ITPR2: variants seen among roughly 807,000 people sequenced by gnomAD.
The protein encoded by ITPR2 is inositol 1,4,5-trisphosphate receptor type 2.
Under a neutral mutation model 317.1 loss-of-function variants are expected in ITPR2, and 207 were observed. That is an observed-to-expected ratio of 0.65 (90% CI 0.58 to 0.73). The LOEUF is 0.73. Ranked by LOEUF, ITPR2 falls within the 30% of genes least tolerant of loss-of-function variation. ITPR2 has a pLI of 0.00. For missense variants in ITPR2, 2,613 were observed against 3,284.0 expected, an observed-to-expected ratio of 0.80 and a Z score of 4.99; for synonymous variants, 1,156 against 1,149.1, an observed-to-expected ratio of 1.01 and a Z score of -0.12.
intron 37 of ITPR2, among the ~76,000 whole-genome samples, chr12:26,502,284 A>G (rs1943088889): frequency 6.6e-6 from 1 of 152,206 alleles, no homozygotes; most frequent in Admixed American, 6.5e-5. Flanking sequence ...GGACTTAAGA[A>G]TGGATTTTAC....
Position 26,550,367 on chromosome 12 carries a change from A to T in ITPR2, c.4965-12T>A. 1 of 1,051,118 alleles carries T rather than the reference A, an allele frequency of 9.5e-7. No individual in the cohort carries two copies. The highest frequency in any genetic ancestry group is 1.5e-6 in the Non-Finnish European group (1 of 684,974). The allele number at this position is 1,051,118 out of a possible 1,614,324, so 65.1% of individuals were successfully genotyped here. On this transcript the variant is annotated splice_polypyrimidine_tract_variant and intron_variant, in intron 36 of 56. Coordinates refer to ENST00000381340, the MANE Select transcript of ITPR2 (RefSeq NM_002223.4). ...TATGATTAATCAACCTTAAAGCAAAACATGAGACCTTTAGAAAGACAGTGA... is the reference window on the plus strand; with the variant it reads ...TATGATTAATCAACCTTAAAGCAAATCATGAGACCTTTAGAAAGACAGTGA...
intron 55 of ITPR2, among the ~76,000 whole-genome samples, chr12:26,342,614 G>A (rs1398024360): frequency 6.6e-6 from 1 of 150,606 alleles, no homozygotes; most frequent in East Asian, 2.0e-4. Flanking sequence ...TTGTTTGTTT[G>A]TTTGTTTTTA....
chr12:26,541,317 CA>C (rs1275450920), intron 37 of ITPR2, among the ~76,000 whole-genome samples: 1 of 151,760 alleles, frequency 6.6e-6, no homozygotes, highest in African/African-American at 2.4e-5. Context: ...AACTCCATCT[CA>C]AAAAAATAAA....
rs1951101560 is a variant in ITPR2 at position 26,831,605 on chromosome 12, C to T, written c.92+1085G>A. ...TACTGCAGCGTGCAATTAAACTGCA[C>T]ACTGCTATTCCCAATCAGAACAGAG... On this transcript the variant is annotated intron_variant, in intron 1 of 56. Coordinates refer to ENST00000381340, the MANE Select transcript of ITPR2 (RefSeq NM_002223.4). The surrounding 1 kb of genome is among the most constrained non-coding windows in gnomAD (Gnocchi z 4.9). Among the ~76,000 whole-genome samples the T allele has an allele frequency of 6.6e-6, 1 of 151,610 alleles. No homozygotes were observed. Among genetic ancestry groups the T allele is most frequent in the African/African-American group, 2.4e-5 (1 of 41,302 alleles).
chr12:26,787,543 A>G (rs553564916), intron 2 of ITPR2, among the ~76,000 whole-genome samples: 1 of 152,338 alleles, frequency 6.6e-6, no homozygotes, highest in East Asian at 1.9e-4. Flanking sequence ...TTGCAAATTT[A>G]AAACAATTTA....
chr12:26,496,387 T>C (rs1314644190), intron 37 of ITPR2, among the ~76,000 whole-genome samples: 1 of 152,214 alleles, frequency 6.6e-6, no homozygotes, highest in African/African-American at 2.4e-5. Context: ...TTGGCTATTC[T>C]TTCTCAAGTT....
intron 10 of ITPR2, among the ~76,000 whole-genome samples, chr12:26,693,157 T>C (rs574326709): frequency 2.6e-5 from 4 of 152,334 alleles, no homozygotes; most frequent in Admixed American, 2.0e-4. Context: ...AGATGACAGA[T>C]GAGACTCAGT....
intron 26 of ITPR2, among the ~76,000 whole-genome samples, chr12:26,616,773 A>G (rs1946382436): frequency 6.6e-6 from 1 of 152,048 alleles, no homozygotes; most frequent in African/African-American, 2.4e-5. Flanking sequence ...TTATACACAG[A>G]TTTTCTTTTA....
At chr12:26,566,045 G>A (rs1265710479) in intron 34 of ITPR2, among the ~76,000 whole-genome samples, 1 of 132,712 alleles carries the variant, frequency 7.5e-6, no homozygotes, top group African/African-American at 2.9e-5. Flanking sequence ...GAGAAGGAGA[G>A]GAGATGGAGA....
chr12:26,594,251 C>T (rs1189486293), intron 32 of ITPR2, among the ~76,000 whole-genome samples: 1 of 152,084 alleles, frequency 6.6e-6, no homozygotes, highest in African/African-American at 2.4e-5. Context: ...CCACACTACA[C>T]CACACCAAAG....
At chr12:26,571,975 T>G (rs1945173308) in intron 34 of ITPR2, among the ~76,000 whole-genome samples, 1 of 152,264 alleles carries the variant, frequency 6.6e-6, no homozygotes, top group South Asian at 2.1e-4. Flanking sequence ...AATATGACTA[T>G]AATTGATCTT....
At chr12:26,368,441 A>G (rs996522559) in intron 55 of ITPR2, among the ~76,000 whole-genome samples, 3 of 152,172 alleles carry the variant, frequency 2.0e-5, no homozygotes, top group Admixed American at 2.0e-4. Flanking sequence ...CCTTTTTATA[A>G]AAGGTCTCTG....
intron 36 of ITPR2, among the ~76,000 whole-genome samples, chr12:26,555,209 T>C (rs1944629891): frequency 1.3e-5 from 2 of 152,344 alleles, no homozygotes; most frequent in Middle Eastern, 3.4e-3. Context: ...CCAGCTTAAA[T>C]GGTGAAAGAA....
intron 10 of ITPR2, among the ~76,000 whole-genome samples, chr12:26,687,663 G>A (rs568295396): frequency 4.7e-4 from 71 of 152,246 alleles, no homozygotes; most frequent in African/African-American, 1.7e-3. Flanking sequence ...AAAAAGCCTT[G>A]CTTTTTGGCC....
rs11312773 is a variant in ITPR2 at position 26,556,556 on chromosome 12, A to ATTTT, written c.4822-185_4822-182dup. Among the ~76,000 whole-genome samples, 1,129 of 133,790 alleles carry ATTTT rather than the reference A, an allele frequency of 8.4e-3. 13 individuals carry two copies. Among genetic ancestry groups the ATTTT allele is most frequent in the South Asian group, 0.018 (73 of 4,122 alleles). The allele number at this position is 133,790 out of a possible 152,430, so 87.8% of individuals were successfully genotyped here. A position where few individuals can be genotyped will look rare whatever the true frequency, so the allele number is the denominator to read the frequency against. ...ATGTAAGAATATTGCCTGGGTCTCT[A>ATTTT]TTTTTTTTTTTGTGTGTGTGTGTGT... is the stretch of plus-strand genomic sequence containing the variant. On this transcript the variant is annotated intron_variant, in intron 35 of 56. Coordinates refer to ENST00000381340, the MANE Select transcript of ITPR2 (RefSeq NM_002223.4).
At chr12:26,599,948 C>T in intron 29 of ITPR2, 39 bp downstream of exon 29, 4 of 1,497,264 alleles carry the variant, frequency 2.7e-6, no homozygotes, top group Non-Finnish European at 2.8e-6. Flanking sequence ...ATTTGATGCA[C>T]ACTTTACTAG....
chr12:26,597,023 A>G lies in ITPR2; in HGVS notation c.4114T>C (p.Leu1372=). 1 of 1,614,044 alleles carries G rather than the reference A, an allele frequency of 6.2e-7. No homozygotes were observed. Among genetic ancestry groups the G allele is most frequent in the Non-Finnish European group, 8.5e-7 (1 of 1,179,978 alleles). ...TCCACCAGGGTGATGTGGTAGGCTA[A>G]GGGGCCACTCTCATCCCCTCGGTCT... is the stretch of plus-strand genomic sequence containing the variant. The part of the protein sequence containing the change: ...ERDRGDESGP[L]AYHITLVELL... Residue 1372 remains leucine (L), a synonymous_variant, in exon 31 of 57, where the codon TTA becomes CTA. Coordinates refer to ENST00000381340, the MANE Select transcript of ITPR2 (RefSeq NM_002223.4).
rs556192380 is a variant in ITPR2 at position 26,394,354 on chromosome 12, A to G, written c.7696+4522T>C. ...AAATATGTACAGTGCTATATAGCTA[A>G]GTGTGATGTGAGGAATTTAGGGTCC... On this transcript the variant is annotated intron_variant, in intron 54 of 56. Coordinates refer to ENST00000381340, the MANE Select transcript of ITPR2 (RefSeq NM_002223.4). Among the ~76,000 whole-genome samples the G allele has an allele frequency of 1.3e-4, 20 of 152,348 alleles. No homozygotes were observed. The South Asian group carries it at 3.9e-3, about 30-fold the overall frequency.
intron 34 of ITPR2, among the ~76,000 whole-genome samples, chr12:26,565,780 T>A (rs777924196): frequency 2.0e-4 from 29 of 144,878 alleles, no homozygotes; most frequent in Non-Finnish European, 3.6e-4. Context: ...GCATCTAGCC[T>A]AGGCAACACA....
Sources: gnomAD v4.1 joint callset for allele counts (sites outside exome capture counted in the v4.1 genomes callset) on GRCh38, gnomAD v4.1.1 for gene constraint, Gnocchi (gnomAD v3.1) non-coding constraint, MANE v1.5 for transcripts, NCBI Gene and HGNC (gene_info 2026-07-23, HGNC 2026-07-21) for gene names.